The following NFATC1 variants were observed in gnomAD, a reference collection of about 807,000 sequenced individuals.
NFATC1 encodes nuclear factor of activated T cells 1, also known as nuclear factor of activated T-cells, cytoplasmic 1.
NFATC1 carries 22 observed loss-of-function variants against 76.0 expected under a neutral mutation model. The observed-to-expected ratio is 0.29, with a 90% CI of 0.21 to 0.41. The LOEUF is 0.41. Ranked by LOEUF, NFATC1 falls within the 10% of genes least tolerant of loss-of-function variation. The pLI is 1.00. For synonymous variants in NFATC1, 704 were observed against 613.1 expected, an observed-to-expected ratio of 1.15 and a Z score of -2.19; for missense variants, 1,357 against 1,337.7, an observed-to-expected ratio of 1.01 and a Z score of -0.23.
chr18:79,512,787 C>T (rs1376965148), intron 9 of NFATC1, among the ~76,000 whole-genome samples: 1 of 152,228 alleles, frequency 6.6e-6, no homozygotes, highest in Non-Finnish European at 1.5e-5. Flanking sequence ...GAGCTCTCAG[C>T]CCCTGTATGT....
chr18:79,493,654 C>T (rs570765208), intron 9 of NFATC1: 1 of 152,138 alleles, frequency 6.6e-6, no homozygotes, highest in Admixed American at 6.5e-5. Flanking sequence ...AAGCTCCCTT[C>T]GTGGAAAGTC....
chr18:79,491,113 T>C (rs2089665555), intron 9 of NFATC1, among the ~76,000 whole-genome samples: 1 of 152,130 alleles, frequency 6.6e-6, no homozygotes, highest in South Asian at 2.1e-4. Flanking sequence ...GAAGGCAGGC[T>C]AGGGTGAATG....
intron 2 of NFATC1, among the ~76,000 whole-genome samples, chr18:79,422,952 G>A (rs2086150784): frequency 6.6e-6 from 1 of 151,726 alleles, no homozygotes; most frequent in South Asian, 2.1e-4. Flanking sequence ...GGGGTTCAGG[G>A]TCTTGAGCTC....
chr18:79,429,289 C>CGGTCACCGTCCAGACCGGGTGGACGTT (rs2086504530), intron 2 of NFATC1, among the ~76,000 whole-genome samples: 2 of 149,760 alleles, frequency 1.3e-5, no homozygotes, highest in Non-Finnish European at 3.0e-5. Context: ...CTGTGGGCGT[C>CGGTCACCGTCCAGACCGGGTGGACGTT]GGTCACCGTC....
intron 1 of NFATC1, among the ~76,000 whole-genome samples, chr18:79,399,723 G>A (rs1476692322): frequency 6.6e-6 from 1 of 152,024 alleles, no homozygotes; most frequent in African/African-American, 2.4e-5. Flanking sequence ...TTGGAGGCTG[G>A]GGACTCGCAG....
At chr18:79,423,810 C>A (rs1269068796) in intron 2 of NFATC1, among the ~76,000 whole-genome samples, 9 of 152,220 alleles carry the variant, frequency 5.9e-5, no homozygotes, top group African/African-American at 2.2e-4. Context: ...CGCCTTCCCT[C>A]CCATGGGCAC....
intron 9 of NFATC1, among the ~76,000 whole-genome samples, chr18:79,512,376 G>A (rs866117437): frequency 8.5e-5 from 13 of 152,284 alleles, no homozygotes; most frequent in African/African-American, 3.1e-4. Context: ...AAGGCTTAGG[G>A]ATTTTATGAG....
chr18:79,464,120 C>G (rs1001203586), intron 7 of NFATC1, among the ~76,000 whole-genome samples: 4 of 152,186 alleles, frequency 2.6e-5, no homozygotes, highest in African/African-American at 9.7e-5. Context: ...GAGACAGTCT[C>G]GCTCTGTCAC....
chr18:79,474,675 G>A (rs548801327), intron 8 of NFATC1, among the ~76,000 whole-genome samples: 7 of 142,060 alleles, frequency 4.9e-5, no homozygotes, highest in African/African-American at 8.0e-5. Flanking sequence ...TGAGGGAAGC[G>A]TGTTCTCACA....
chr18:79,443,662 C>T (rs2087076401), intron 3 of NFATC1, among the ~76,000 whole-genome samples: 1 of 152,262 alleles, frequency 6.6e-6, no homozygotes, highest in African/African-American at 2.4e-5. Flanking sequence ...TGCCTCGGTT[C>T]CTGCCGGGCA....
chr18:79,438,184 G>T (rs114111839), intron 3 of NFATC1, among the ~76,000 whole-genome samples: 2,061 of 152,272 alleles, frequency 0.014, 49 homozygotes, highest in African/African-American at 0.047. Context: ...CCTCCTCTCT[G>T]TTTCTGGTTG....
intron 9 of NFATC1, chr18:79,496,761 G>T (rs982309226): frequency 6.6e-6 from 1 of 152,244 alleles, no homozygotes. Flanking sequence ...CGTCCTGGAC[G>T]TGTAGCCTTT....
chr18:79,484,935 G>A (rs561013869), intron 8 of NFATC1, among the ~76,000 whole-genome samples: 42 of 152,370 alleles, frequency 2.8e-4, no homozygotes, highest in South Asian at 8.3e-4. Flanking sequence ...CGTCTCCATC[G>A]TTCGCAGCTG....
intron 8 of NFATC1, among the ~76,000 whole-genome samples, chr18:79,471,899 G>A (rs2088802247): frequency 6.6e-6 from 1 of 152,226 alleles, no homozygotes; most frequent in African/African-American, 2.4e-5. Context: ...AAGGGAAGAC[G>A]CGCTTCCCTC....
At chr18:79,452,649 A>G (rs1463456612) in intron 6 of NFATC1, among the ~76,000 whole-genome samples, 2 of 152,172 alleles carry the variant, frequency 1.3e-5, no homozygotes, top group Non-Finnish European at 2.9e-5. Flanking sequence ...TTGCAGGGAG[A>G]GTGGGCACCA....
chr18:79,449,568 G>C (rs7242726), intron 4 of NFATC1, among the ~76,000 whole-genome samples: 68,999 of 152,164 alleles, frequency 0.45, 18,047 homozygotes, highest in African/African-American at 0.73. Context: ...CCGAGAGATT[G>C]ATGTGGTACT....
At chr18:79,487,923 G>A (rs981658524) in intron 9 of NFATC1, among the ~76,000 whole-genome samples, 18 of 152,296 alleles carry the variant, frequency 1.2e-4, no homozygotes, top group East Asian at 7.7e-4. Context: ...TCATTTCCTC[G>A]GAGGCACAGT....
At chr18:79,464,215 G>A (rs541084552) in intron 7 of NFATC1, among the ~76,000 whole-genome samples, 1 of 151,952 alleles carries the variant, frequency 6.6e-6, no homozygotes, top group Non-Finnish European at 1.5e-5. Context: ...TCAGTCTCCC[G>A]AGTATCTAGG....
chr18:79,436,516 A>G (rs62096885), intron 3 of NFATC1, among the ~76,000 whole-genome samples: 56,334 of 150,952 alleles, frequency 0.37, 12,748 homozygotes, highest in South Asian at 0.58. Flanking sequence ...CGCGCCCGGT[A>G]TCCCCGTCCT....
Sources: gnomAD v4.1 joint callset for allele counts (sites outside exome capture counted in the v4.1 genomes callset) on GRCh38, gnomAD v4.1.1 for gene constraint, MANE v1.5 for transcripts, NCBI Gene and HGNC (gene_info 2026-07-23, HGNC 2026-07-21) for gene names.